Variants in SGCD observed in about 807,000 individuals in gnomAD.
SGCD encodes delta-sarcoglycan.
A neutral mutation model predicts 36.6 loss-of-function variants in SGCD; 18 were observed. That is an observed-to-expected ratio of 0.49 (90% CI 0.34 to 0.73). SGCD has a LOEUF of 0.73. Among genes scored for constraint, SGCD ranks in the 30% least tolerant of loss-of-function variants. The pLI is 0.01. For synonymous variants in SGCD, 133 were observed against 130.6 expected (o/e 1.02, Z -0.12); for missense variants, 387 against 346.7 (o/e 1.12, Z -0.92).
intron 1 of SGCD, among the ~76,000 whole-genome samples, chr5:156,059,790 G>A (rs1055460511): frequency 2.0e-5 from 3 of 146,834 alleles, no homozygotes; most frequent in African/African-American, 7.4e-5. Flanking sequence ...GTCGTTTCGT[G>A]GCTATTGCTG....
chr5:156,124,372 A>C (rs962689039), intron 3 of SGCD, among the ~76,000 whole-genome samples: 2 of 152,178 alleles, frequency 1.3e-5, no homozygotes, highest in African/African-American at 2.4e-5. Context: ...TAACAAGATG[A>C]GTAAAGAAGT....
chr5:156,071,596 A>T (rs1339279730), intron 1 of SGCD, among the ~76,000 whole-genome samples: 1 of 152,170 alleles, frequency 6.6e-6, no homozygotes, highest in Non-Finnish European at 1.5e-5. Context: ...GCTGAAAAAA[A>T]TGTATATTCT....
At chr5:156,668,137 G>A (rs1199683214) in intron 7 of SGCD, among the ~76,000 whole-genome samples, 4 of 152,102 alleles carry the variant, frequency 2.6e-5, no homozygotes, top group African/African-American at 7.2e-5. Flanking sequence ...ACTGCATGTT[G>A]TGTAGTACCT....
intron 7 of SGCD, among the ~76,000 whole-genome samples, chr5:156,655,838 T>A (rs1042052453): frequency 1.3e-5 from 2 of 152,056 alleles, no homozygotes; most frequent in Non-Finnish European, 2.9e-5. Flanking sequence ...GAAGTCTATA[T>A]AAAGACAAAT....
intron 3 of SGCD, among the ~76,000 whole-genome samples, chr5:156,383,657 CT>C (rs924647548): frequency 1.3e-5 from 2 of 152,152 alleles, no homozygotes; most frequent in Non-Finnish European, 2.9e-5. Flanking sequence ...GGGAATTTGA[CT>C]GGAAACTAAA....
intron 3 of SGCD, among the ~76,000 whole-genome samples, chr5:156,415,595 C>T (rs542198257): frequency 3.9e-4 from 59 of 152,188 alleles, no homozygotes; most frequent in African/African-American, 1.2e-3. Context: ...GCCATAATTC[C>T]GCATTTTAGA....
intron 3 of SGCD, among the ~76,000 whole-genome samples, chr5:156,239,554 T>C (rs1765255203): frequency 6.6e-6 from 1 of 152,162 alleles, no homozygotes. Context: ...TTTGAGAAGA[T>C]AAATATGAAA....
the SGCD span, among the ~76,000 whole-genome samples, chr5:155,799,810 CCCTTTTTT>C: frequency 7.8e-5 from 7 of 90,292 alleles, no homozygotes; most frequent in East Asian, 4.4e-4. Context: ...CTTCCTATTC[CCCTTTTTT>C]TTTTTTTTTT....
At chr5:156,352,259 G>A (rs994068845) in intron 3 of SGCD, among the ~76,000 whole-genome samples, 2 of 152,198 alleles carry the variant, frequency 1.3e-5, no homozygotes, top group African/African-American at 2.4e-5. Flanking sequence ...CCCAGTACTT[G>A]TAAAATTAGA....
chr5:156,068,350 C>T (rs1173034843), intron 1 of SGCD, among the ~76,000 whole-genome samples: 1 of 151,792 alleles, frequency 6.6e-6, no homozygotes, highest in African/African-American at 2.4e-5. Flanking sequence ...TCAATTCCCA[C>T]TTATGAGTGA....
At chr5:156,619,174 T>A (rs146128457) in intron 6 of SGCD, among the ~76,000 whole-genome samples, 51 of 152,210 alleles carry the variant, frequency 3.4e-4, no homozygotes, top group African/African-American at 1.1e-3. Context: ...TACAGGCACC[T>A]GCCACGACGC....
intron 3 of SGCD, among the ~76,000 whole-genome samples, chr5:156,233,089 G>A (rs1765062449): frequency 1.3e-5 from 2 of 152,152 alleles, no homozygotes; most frequent in South Asian, 2.1e-4. Context: ...GGGAAAGCTT[G>A]CTAAATTGTA....
the SGCD span, among the ~76,000 whole-genome samples, chr5:155,811,805 G>A: frequency 2.6e-5 from 4 of 151,364 alleles, no homozygotes; most frequent in African/African-American, 9.7e-5. Flanking sequence ...TTTAGTGAGG[G>A]CAGGGGTAGG....
rs565348072 is a variant in SGCD, at chr5:156,753,750, T to C, written c.576-3831T>C. ...CCTCTTATAAAACCATCAGATCTCA[T>C]GAGAACTCACCATCATGAGAACAGC... is the stretch of plus-strand genomic sequence containing the variant. On this transcript the variant is annotated intron_variant, in intron 7 of 8. Coordinates refer to ENST00000337851, the MANE Select transcript of SGCD (RefSeq NM_000337.6). 2.4e-4 allele frequency among the ~76,000 whole-genome samples: 37 copies of C among 152,180 alleles called. No individual in the cohort carries two copies. The South Asian group carries it at 5.0e-3, about 20-fold the overall frequency.
chr5:156,139,467 C>G (rs1762526082), intron 3 of SGCD, among the ~76,000 whole-genome samples: 1 of 152,066 alleles, frequency 6.6e-6, no homozygotes, highest in Non-Finnish European at 1.5e-5. Flanking sequence ...CTCTGCTTCT[C>G]TTACCTCCAA....
At chr5:156,708,618 C>G (rs1754844505) in intron 7 of SGCD, among the ~76,000 whole-genome samples, 1 of 151,840 alleles carries the variant, frequency 6.6e-6, no homozygotes. Flanking sequence ...GGAATAGATG[C>G]TAAATTTGTT....
chr5:156,153,878 C>A (rs1386763729), intron 3 of SGCD, among the ~76,000 whole-genome samples: 1 of 151,510 alleles, frequency 6.6e-6, no homozygotes, highest in Non-Finnish European at 1.5e-5. Flanking sequence ...CAATATACAG[C>A]CAAATTTGAG....
intron 6 of SGCD, among the ~76,000 whole-genome samples, chr5:156,607,714 C>CT (rs200189112): frequency 0.036 from 5,423 of 152,292 alleles, 326 homozygotes; most frequent in African/African-American, 0.12. Context: ...ATTTTTCCCT[C>CT]ATTTCAGAGC....
At chr5:155,996,072 G>A (rs1438739336) in intron 1 of SGCD, among the ~76,000 whole-genome samples, 2 of 150,590 alleles carry the variant, frequency 1.3e-5, no homozygotes, top group Non-Finnish European at 2.9e-5. Flanking sequence ...GTGTTGTTGA[G>A]GCTGGGTGAG....
Sources: gnomAD v4.1 joint callset for allele counts (sites outside exome capture counted in the v4.1 genomes callset) on GRCh38, gnomAD v4.1.1 for gene constraint, MANE v1.5 for transcripts, NCBI Gene and HGNC (gene_info 2026-07-23, HGNC 2026-07-21) for gene names.